ELOVL4: variants seen among roughly 807,000 people sequenced by gnomAD.
ELOVL4 encodes the protein very long chain fatty acid elongase 4.
In ELOVL4, 18 loss-of-function variants were observed where a neutral mutation model predicts 42.1. The observed-to-expected ratio is 0.43, with a 90% CI of 0.30 to 0.63. ELOVL4 has a LOEUF of 0.63. Among genes scored for constraint, ELOVL4 ranks in the 30% least tolerant of loss-of-function variants. The pLI, the probability that ELOVL4 is intolerant of heterozygous loss-of-function variation, is 0.15. For synonymous variants in ELOVL4, 117 were observed against 127.0 expected (o/e 0.92, Z 0.53); for missense variants, 299 against 376.2 (o/e 0.79, Z 1.70).
At chr6:79,945,729 A>C (rs1774729423) in intron 1 of ELOVL4, among the ~76,000 whole-genome samples, 1 of 152,182 alleles carries the variant, frequency 6.6e-6, no homozygotes, top group Non-Finnish European at 1.5e-5. Flanking sequence ...CACAGACGTG[A>C]AGGGAAGGGC....
At chr6:79,918,230 T>A (rs1489173840) in intron 5 of ELOVL4, among the ~76,000 whole-genome samples, 1 of 152,218 alleles carries the variant, frequency 6.6e-6, no homozygotes, top group African/African-American at 2.4e-5. Flanking sequence ...TAAACTTTTA[T>A]AATTTTCCTT....
intron 1 of ELOVL4, among the ~76,000 whole-genome samples, chr6:79,932,328 G>T (rs140665987): frequency 0.062 from 9,454 of 152,042 alleles, 395 homozygotes; most frequent in South Asian, 0.11. Flanking sequence ...ATCACTTGAG[G>T]TCAGGAGTTC....
Position 79,919,538 on chromosome 6 carries a change from C to T in ELOVL4, c.551G>A (p.Gly184Glu). The T allele has an allele frequency of 6.2e-7, 1 of 1,612,730 alleles. No individual in the cohort carries two copies. The highest frequency in any genetic ancestry group is 1.3e-5 in the African/African-American group (1 of 74,834). ...KWVAGGQAFF[G>E]AQLNSFIHVI... Reference sequence around the variant, plus strand: ...ATGGATAAAGGAATTCAACTGGGCTCCAAAAAATGCTTTAGAAAAACAACA... The same window carrying T: ...ATGGATAAAGGAATTCAACTGGGCTTCAAAAAATGCTTTAGAAAAACAACA... Residue 184 changes from glycine (G) to glutamate (E), a missense_variant, in exon 5 of 6, where the codon GGA becomes GAA. By Grantham distance (98) the Gly-to-Glu change is moderately conservative. Coordinates refer to ENST00000369816, the MANE Select transcript of ELOVL4 (RefSeq NM_022726.4).
chr6:79,933,691 T>C (rs1283331303), intron 1 of ELOVL4, among the ~76,000 whole-genome samples: 1 of 152,140 alleles, frequency 6.6e-6, no homozygotes, highest in Admixed American at 6.5e-5. Context: ...AAATTATAGA[T>C]TCCCAGGTCC....
At chr6:79,941,982 G>C (rs911589566) in intron 1 of ELOVL4, among the ~76,000 whole-genome samples, 1 of 152,208 alleles carries the variant, frequency 6.6e-6, no homozygotes, top group African/African-American at 2.4e-5. Flanking sequence ...ATGAGCTCCT[G>C]TGAGACAACA....
At chr6:79,923,094 C>T (rs1774285283) in intron 3 of ELOVL4, among the ~76,000 whole-genome samples, 1 of 152,148 alleles carries the variant, frequency 6.6e-6, no homozygotes, top group African/African-American at 2.4e-5. Context: ...TGGACCTCTA[C>T]ATTTGCCACA....
rs140197858 is a variant in ELOVL4, at chr6:79,915,812, CAT to C, written c.*794_*795del. 22,741 of 152,490 alleles carry C rather than the reference CAT, an allele frequency of 0.15. 1,902 individuals carry two copies. The highest frequency in any genetic ancestry group is 0.36 in the South Asian group (1,718 of 4,820). 9.4% of individuals were successfully genotyped at this position (152,490 alleles called of 1,614,324 possible). A position where few individuals can be genotyped will look rare whatever the true frequency, so the allele number is the denominator to read the frequency against. On this transcript the variant is annotated 3_prime_UTR_variant, in exon 6 of 6. Transcript: ENST00000369816. ...TATCTTATGATGTTACTAATAAAGACATGAGTTGTTTCATGTTTCAATCAGAC... is the reference window on the plus strand; with the variant it reads ...TATCTTATGATGTTACTAATAAAGACGAGTTGTTTCATGTTTCAATCAGAC...
chr6:79,923,665 GC>G, intron 3 of ELOVL4, among the ~76,000 whole-genome samples: 1 of 152,120 alleles, frequency 6.6e-6, no homozygotes, highest in East Asian at 1.9e-4. Flanking sequence ...TGTTTACATG[GC>G]TGCTGTCTGC....
Position 79,926,232 on chromosome 6 carries a change from A to C in ELOVL4, c.250T>G (p.Phe84Val). 6.2e-7 allele frequency: 1 copy of C among 1,613,884 alleles called. No individual in the cohort carries two copies. The part of the protein sequence containing the change: ...QMRLVLIIYN[F>V]GMVLLNLFIF... The stretch of plus-strand genomic sequence containing the variant: ...AAGAGGTTAAGCAAAACCATCCCAA[A>C]ATTATAGATAATGAGCACTAGACGC... Residue 84 changes from phenylalanine (F) to valine (V), a missense_variant, in exon 2 of 6, where the codon TTT becomes GTT. Phe to Val is a conservative substitution (Grantham distance 50). Transcript: ENST00000369816.
At position 79,924,945 on chromosome 6, in the gene ELOVL4, T is replaced by C; in HGVS notation, c.369+7A>G. On this transcript the variant is annotated splice_region_variant and intron_variant, in intron 3 of 5. Transcript: ENST00000369816. Reference sequence around the variant, plus strand: ...TTACTGATTAAGAGTATTTTTAATGTACTTACCCTGACTTCATGAACATTA... The same window carrying C: ...TTACTGATTAAGAGTATTTTTAATGCACTTACCCTGACTTCATGAACATTA... 1.3e-6 allele frequency: 2 copies of C among 1,569,118 alleles called. No homozygotes were observed. The highest frequency in any genetic ancestry group is 1.8e-6 in the Non-Finnish European group (2 of 1,139,194).
intron 2 of ELOVL4, 42 bp downstream of exon 2, chr6:79,926,152 C>T (rs757341650): frequency 6.4e-7 from 1 of 1,555,594 alleles, no homozygotes; most frequent in Non-Finnish European, 8.8e-7. Context: ...TTTAAATTTC[C>T]AATAACCTTG....
chr6:79,933,394 C>G (rs987660305), intron 1 of ELOVL4, among the ~76,000 whole-genome samples: 1 of 152,056 alleles, frequency 6.6e-6, no homozygotes, highest in South Asian at 2.1e-4. Flanking sequence ...CAACACCCAG[C>G]TAATTTTTGT....
chr6:79,940,600 G>A (rs915320607), intron 1 of ELOVL4, among the ~76,000 whole-genome samples: 1 of 152,122 alleles, frequency 6.6e-6, no homozygotes, highest in South Asian at 2.1e-4. Flanking sequence ...TGAAGACTGA[G>A]TTTAGACTGA....
intron 1 of ELOVL4, among the ~76,000 whole-genome samples, chr6:79,931,085 T>C (rs1774434754): frequency 6.6e-6 from 1 of 152,196 alleles, no homozygotes. Flanking sequence ...TAGAAAGTTT[T>C]GGTGGGGTGG....
Position 79,926,250 on chromosome 6 carries a change from C to T in ELOVL4, c.232G>A (p.Val78Met), listed in dbSNP as rs767796220. Residue 78 changes from valine to methionine, a missense_variant, in exon 2 of 6, where the codon GTG becomes ATG. By Grantham distance (21) the Val-to-Met change is conservative (BLOSUM62 1). Transcript: ENST00000369816. ...ATCCCAAAATTATAGATAATGAGCA[C>T]TAGACGCATCTGAAAAGGTTCTCGG... is the stretch of plus-strand genomic sequence containing the variant. ...KDREPFQMRL[V>M]LIIYNFGMVL... 1 of 1,613,900 alleles carries T rather than the reference C, an allele frequency of 6.2e-7. No homozygotes were observed.
chr6:79,932,410 T>C (rs1774462186), intron 1 of ELOVL4, among the ~76,000 whole-genome samples: 1 of 151,852 alleles, frequency 6.6e-6, no homozygotes, highest in African/African-American at 2.4e-5. Flanking sequence ...CTGGGCGTGG[T>C]GGTGTGCGCC....
At chr6:79,942,442 G>GC (rs1774663720) in intron 1 of ELOVL4, among the ~76,000 whole-genome samples, 5 of 152,154 alleles carry the variant, frequency 3.3e-5, no homozygotes, top group Admixed American at 2.6e-4. Context: ...ATTTCGGTGT[G>GC]CTAATATATG....
At chr6:79,917,258 G>C (rs895698722) in intron 5 of ELOVL4, among the ~76,000 whole-genome samples, 1 of 152,078 alleles carries the variant, frequency 6.6e-6, no homozygotes. Flanking sequence ...GGTGATTCTT[G>C]AGTCCTCAGC....
chr6:79,946,547 T>C (rs185887165), intron 1 of ELOVL4, among the ~76,000 whole-genome samples: 1 of 152,230 alleles, frequency 6.6e-6, no homozygotes, highest in African/African-American at 2.4e-5. Context: ...AAAGCCATTA[T>C]AGACAATCAC....
Sources: allele counts gnomAD v4.1 joint callset (sites outside exome capture counted in the v4.1 genomes callset), GRCh38; gene constraint gnomAD v4.1.1; transcripts MANE v1.5; gene names NCBI Gene and HGNC (gene_info 2026-07-23, HGNC 2026-07-21).